LMF1: variants seen among roughly 807,000 people sequenced by gnomAD.
LMF1 encodes lipase maturation factor 1.
A neutral mutation model predicts 60.6 loss-of-function variants in LMF1; 68 were observed. The ratio of observed to expected loss-of-function variants is 1.12; its 90% CI spans 0.92 to 1.37. The LOEUF (loss-of-function observed/expected upper bound fraction) is 1.37. Ranked by LOEUF, LMF1 falls within the 40% of genes most tolerant of loss-of-function variation. The probability of loss-of-function intolerance (pLI) is 0.00; values close to 1 mark genes in which losing one functional copy is unlikely to be tolerated. For synonymous variants in LMF1, 418 were observed against 324.7 expected (o/e 1.29, Z -3.09); for missense variants, 948 against 767.2 (o/e 1.24, Z -2.78).
chr16:949,564 T>C (rs666644), intron 2 of LMF1, among the ~76,000 whole-genome samples: 21,041 of 65,880 alleles, frequency 0.32, 4,588 homozygotes, highest in African/African-American at 0.62. Context: ...TCAGAGACAA[T>C]GACAGAGTCA....
rs551036866 is a variant in LMF1, at chr16:874,217, G to A, written c.898-2876C>T. Among the ~76,000 whole-genome samples the A allele has an allele frequency of 3.3e-5, 5 of 152,366 alleles. No homozygotes were observed. The highest frequency in any genetic ancestry group is 9.6e-5 in the African/African-American group (4 of 41,596). Reference sequence around the variant, plus strand: ...TTCATCACAACCGAAACACAGCTAAGGGCCGGTGAGCCCAGCTCTGGGACA... The same window carrying A: ...TTCATCACAACCGAAACACAGCTAAAGGCCGGTGAGCCCAGCTCTGGGACA... On this transcript the variant is annotated intron_variant, in intron 6 of 10. Transcript: ENST00000262301. The surrounding 1 kb of genome is among the most constrained non-coding windows in gnomAD (Gnocchi z 4.1).
chr16:895,496 G>A (rs557512978), intron 4 of LMF1, among the ~76,000 whole-genome samples: 49 of 152,318 alleles, frequency 3.2e-4, no homozygotes, highest in African/African-American at 9.9e-4. Flanking sequence ...GACGGGAGCC[G>A]CCGGGTTCTC....
At chr16:859,995 G>C (rs879313043) in intron 10 of LMF1, among the ~76,000 whole-genome samples, 3 of 151,610 alleles carry the variant, frequency 2.0e-5, no homozygotes, top group Non-Finnish European at 4.4e-5. Context: ...TGTTATGGTG[G>C]TTTTTGCTTC....
In LMF1 at chr16:954,340, C is replaced by G; in HGVS notation, c.503+17G>C. On this transcript the variant is annotated intron_variant, in intron 2 of 10. Coordinates refer to ENST00000262301, the MANE Select transcript of LMF1 (RefSeq NM_022773.4). ...CAGCAAGCCCTAAGCTCCGACCGCC[C>G]CATTCCTGCTACTCACCAGACATGG... The G allele has an allele frequency of 6.2e-7, 1 of 1,608,822 alleles. No homozygotes were observed. The highest frequency in any genetic ancestry group is 8.5e-7 in the Non-Finnish European group (1 of 1,178,298).
chr16:939,994 T>C (rs1244140583), intron 2 of LMF1, among the ~76,000 whole-genome samples: 1 of 152,096 alleles, frequency 6.6e-6, no homozygotes, highest in African/African-American at 2.4e-5. Context: ...CTGGACTATG[T>C]GATCACAGAC....
chr16:933,888 C>T (rs955963134), intron 3 of LMF1: 13 of 1,165,010 alleles, frequency 1.1e-5, no homozygotes, highest in Middle Eastern at 3.6e-4. Flanking sequence ...CCGTGAGCAC[C>T]GTGAACCTTC....
rs758478909 is a variant in LMF1, at chr16:970,901, G to C, written c.80C>G (p.Pro27Arg). The change falls in exon 1 of 11, where the codon CCT becomes CGT. Residue 27 changes from proline (P) to arginine (R), a missense_variant. Coordinates refer to ENST00000262301, the MANE Select transcript of LMF1 (RefSeq NM_022773.4). The part of the protein sequence containing the change: ...RRKTGYSDPE[P>R]ESPPAPGRGP... Reference sequence around the variant, plus strand: ...ACGCCCCGGCGCGGGCGGCGACTCAGGCTCCGGATCCGAGTACCCAGTCTT... The same window carrying C: ...ACGCCCCGGCGCGGGCGGCGACTCACGCTCCGGATCCGAGTACCCAGTCTT... 7 of 1,581,618 alleles carry C rather than the reference G, an allele frequency of 4.4e-6. No homozygotes were observed. Among genetic ancestry groups the C allele is most frequent in the Non-Finnish European group, 6.0e-6 (7 of 1,165,788 alleles).
chr16:911,932 A>C (rs1260849457), intron 3 of LMF1, among the ~76,000 whole-genome samples: 2 of 152,152 alleles, frequency 1.3e-5, no homozygotes. Context: ...TTCGCACTGG[A>C]AACCCAGCAT....
At chr16:871,768 A>G (rs118054859) in intron 6 of LMF1, 4,655 of 163,578 alleles carry the variant, frequency 0.028, 81 homozygotes, top group Admixed American at 0.05. Context: ...GACGCCCCTC[A>G]GCCGATGGGT....
intron 1 of LMF1, among the ~76,000 whole-genome samples, chr16:958,578 G>C (rs972611386): frequency 6.6e-6 from 1 of 152,154 alleles, no homozygotes; most frequent in East Asian, 1.9e-4. Flanking sequence ...TCACATGGCC[G>C]AAGTGCTTGA....
chr16:923,257 T>C (rs2071494990), intron 3 of LMF1, among the ~76,000 whole-genome samples: 1 of 152,148 alleles, frequency 6.6e-6, no homozygotes, highest in Non-Finnish European at 1.5e-5. Context: ...GTGGGGCGGA[T>C]GTGGCAGCTG....
rs547961759 is a variant in LMF1, at chr16:965,192, C to T, written c.193+5596G>A. Among the ~76,000 whole-genome samples, 6 of 152,366 alleles carry T rather than the reference C, an allele frequency of 3.9e-5. No homozygotes were observed. In the South Asian group the frequency reaches 1.2e-3, roughly 32 times the overall value. On this transcript the variant is annotated intron_variant, in intron 1 of 10. Coordinates refer to ENST00000262301, the MANE Select transcript of LMF1 (RefSeq NM_022773.4). The stretch of plus-strand genomic sequence containing the variant: ...GGTGGGTTCTGTGTGGTGCTTGGCT[C>T]CTAGGGCCTCGCGGAAGCCATGTTC...
rs79822553 is a variant in LMF1 at position 968,007 on chromosome 16, C to T, written c.193+2781G>A. On this transcript the variant is annotated intron_variant, in intron 1 of 10. Transcript: ENST00000262301. ...TGAGCCCTGTGAAAATGCCGCTTTC[C>T]GCTAACACACTCCGGCTCCCACAGC... 1.3e-3 allele frequency among the ~76,000 whole-genome samples: 201 copies of T among 152,366 alleles called. 4 individuals are homozygous for T. The East Asian group carries it at 0.03, about 23-fold the overall frequency.
chr16:964,867 C>T (rs906129942), intron 1 of LMF1, among the ~76,000 whole-genome samples: 16 of 152,338 alleles, frequency 1.1e-4, no homozygotes, highest in African/African-American at 3.1e-4. Context: ...CCCACCTCGC[C>T]GAAGCAGCTG....
intron 3 of LMF1, among the ~76,000 whole-genome samples, chr16:922,058 T>C (rs554401768): frequency 3.2e-4 from 49 of 152,088 alleles, no homozygotes; most frequent in Non-Finnish European, 6.3e-4. Flanking sequence ...GAAGCAGCTG[T>C]TTATCCCAGA....
chr16:922,592 C>T (rs112056970), intron 3 of LMF1, among the ~76,000 whole-genome samples: 1 of 106,908 alleles, frequency 9.4e-6, no homozygotes, highest in Non-Finnish European at 2.1e-5. Flanking sequence ...AAAGTCGCCT[C>T]GGTTTTCTGG....
chr16:854,599 G>C lies in LMF1; in HGVS notation c.1637C>G (p.Pro546Arg), dbSNP rs199843015. Reference sequence around the variant, plus strand: ...GGGCCTCAGCTCCTCCAGGCTGAGCGGAGGGAAGTAGGCTCCGATCCTCTT... The same window carrying C: ...GGGCCTCAGCTCCTCCAGGCTGAGCCGAGGGAAGTAGGCTCCGATCCTCTT... ...VRKRIGAYFP[P>R]LSLEELRPYF... The change falls in exon 11 of 11, where the codon CCG becomes CGG. Residue 546 changes from proline (P) to arginine (R), a missense_variant. Coordinates refer to ENST00000262301, the MANE Select transcript of LMF1 (RefSeq NM_022773.4). 6.8e-6 allele frequency: 11 copies of C among 1,606,830 alleles called. No homozygotes were observed. The highest frequency in any genetic ancestry group is 9.3e-6 in the Non-Finnish European group (11 of 1,178,166).
At chr16:948,661 G>A (rs1486744725) in intron 2 of LMF1, among the ~76,000 whole-genome samples, 1 of 150,170 alleles carries the variant, frequency 6.7e-6, no homozygotes, top group Non-Finnish European at 1.5e-5. Context: ...GTCAGCCAAC[G>A]ACAGAATCAG....
At chr16:976,799 T>G (rs2073159071) in intron 1 of LMF1, 1 of 454,008 alleles carries the variant, frequency 2.2e-6, no homozygotes, top group Admixed American at 2.4e-5. Flanking sequence ...GAGAGAGCAG[T>G]GCTGGTCTCC....
Sources: allele counts gnomAD v4.1 joint callset (sites outside exome capture counted in the v4.1 genomes callset), GRCh38; gene constraint gnomAD v4.1.1; non-coding constraint Gnocchi (gnomAD v3.1); transcripts MANE v1.5; gene names NCBI Gene and HGNC (gene_info 2026-07-23, HGNC 2026-07-21).